The following VWDE variants were observed in gnomAD, a reference collection of about 807,000 sequenced individuals.
VWDE encodes the protein von Willebrand factor D and EGF domains, also known as von Willebrand factor D and EGF domain-containing protein.
VWDE carries 207 observed loss-of-function variants against 178.4 expected under a neutral mutation model. That is an observed-to-expected ratio of 1.16 (90% confidence interval 1.04 to 1.30). The LOEUF (loss-of-function observed/expected upper bound fraction) is 1.30, where lower values mean the gene tolerates loss of function less well. Among genes scored for constraint, VWDE ranks in the 50% most tolerant of loss-of-function variants. The pLI is 0.00. For synonymous variants in VWDE, 738 were observed against 651.4 expected (o/e 1.13, Z -2.02); for missense variants, 2,287 against 1,901.3 (o/e 1.20, Z -3.77).
At position 12,369,996 on chromosome 7, in the gene VWDE, C is replaced by T. The variant is rs756840779; in HGVS notation, c.2310G>A (p.Thr770=). The change falls in exon 12 of 29, where the codon ACG becomes ACA. Residue 770 remains threonine, a synonymous_variant. Coordinates refer to ENST00000275358, the MANE Select transcript of VWDE (RefSeq NM_001135924.3). The stretch of plus-strand genomic sequence containing the variant: ...AAAAATAAGTAAGTTCTTCCAGATC[C>T]GTTTGGCTGAGACTCGGGAAAGCAA... The part of the protein sequence containing the change: ...PLFAFPSLSQ[T]DLEELTYFFP... The T allele has an allele frequency of 4.1e-5, 64 of 1,551,322 alleles. No homozygotes were observed. The highest frequency in any genetic ancestry group is 5.1e-5 in the Non-Finnish European group (58 of 1,146,896).
chr7:12,373,081 A>G lies in VWDE; in HGVS notation c.1483T>C (p.Cys495Arg). Residue 495 changes from cysteine (C) to arginine (R), a missense_variant, in exon 10 of 29, where the codon TGC becomes CGC. Physicochemically the swap from Cys to Arg is radical, Grantham distance 180. Transcript: ENST00000275358. ...TGTGATTCACGTAGCTGACCATTGCACATATCAAAAGTAACTATATCACCT... is the reference window on the plus strand; with the variant it reads ...TGTGATTCACGTAGCTGACCATTGCGCATATCAAAAGTAACTATATCACCT... ...EGGDIVTFDM[C>R]NGQLRESQPY... 6.4e-7 allele frequency: 1 copy of G among 1,551,318 alleles called. No individual in the cohort carries two copies. The highest frequency in any genetic ancestry group is 8.7e-7 in the Non-Finnish European group (1 of 1,146,744).
At chr7:12,380,002 GC>G (rs1412389341) in intron 5 of VWDE, among the ~76,000 whole-genome samples, 1 of 151,812 alleles carries the variant, frequency 6.6e-6, no homozygotes, top group African/African-American at 2.4e-5. Context: ...GGAGGCTGAG[GC>G]AGGAGAATCG....
intron 2 of VWDE, among the ~76,000 whole-genome samples, chr7:12,389,731 A>G (rs1440749231): frequency 1.3e-5 from 2 of 152,236 alleles, no homozygotes; most frequent in African/African-American, 4.8e-5. Flanking sequence ...AGATAAACTG[A>G]TCTTGGAAAA....
At chr7:12,365,639 T>C (rs1782816138) in intron 13 of VWDE, among the ~76,000 whole-genome samples, 1 of 151,788 alleles carries the variant, frequency 6.6e-6, no homozygotes, top group Admixed American at 6.6e-5. Context: ...CCACACAAAG[T>C]GAATGCAAGG....
intron 3 of VWDE, among the ~76,000 whole-genome samples, chr7:12,385,181 G>T (rs1369297923): frequency 6.6e-6 from 1 of 152,016 alleles, no homozygotes; most frequent in Non-Finnish European, 1.5e-5. Flanking sequence ...ACATATATAT[G>T]AATTCTGTGA....
intron 3 of VWDE, among the ~76,000 whole-genome samples, chr7:12,387,846 G>T (rs1420191892): frequency 6.6e-6 from 1 of 151,930 alleles, no homozygotes; most frequent in Non-Finnish European, 1.5e-5. Context: ...CCTATATATG[G>T]TTGAACCCAG....
rs958435187 is a variant in VWDE, at chr7:12,331,041, T to C, written c.*142A>G. 3.2e-5 allele frequency: 20 copies of C among 615,908 alleles called. No homozygotes were observed. The highest frequency in any genetic ancestry group is 2.7e-6 in the Non-Finnish European group (1 of 364,920). The allele number at this position is 615,908 out of a possible 1,614,324, so 38.2% of individuals were successfully genotyped here. ...TTCTCTATGATTACAACAGAGATCA[T>C]TATGTATTTTATTAGTTTCTTCAGT... On this transcript the variant is annotated 3_prime_UTR_variant, in exon 29 of 29. Coordinates refer to ENST00000275358, the MANE Select transcript of VWDE (RefSeq NM_001135924.3).
chr7:12,337,910 G>C (rs1407233808), intron 24 of VWDE, among the ~76,000 whole-genome samples: 3 of 152,030 alleles, frequency 2.0e-5, no homozygotes, highest in Non-Finnish European at 4.4e-5. Context: ...TTATGAGATG[G>C]TTATGATTAC....
At chr7:12,400,726 T>A (rs1176127517) in intron 1 of VWDE, among the ~76,000 whole-genome samples, 3 of 152,102 alleles carry the variant, frequency 2.0e-5, no homozygotes, top group Non-Finnish European at 4.4e-5. Flanking sequence ...CCCATTATCC[T>A]GGCTACCCCG....
chr7:12,357,267 C>G lies in VWDE; in HGVS notation c.3523G>C (p.Glu1175Gln). 1 of 1,551,842 alleles carries G rather than the reference C, an allele frequency of 6.4e-7. No homozygotes were observed. Among genetic ancestry groups the G allele is most frequent in the African/African-American group, 1.4e-5 (1 of 73,122 alleles). ...ACTTATGTAATTATAAAGATTACCT[C>G]AATCGTGACTCTAGTTTCAGCATCG... Reference protein sequence around the residue: ...DCDAETRVTIEVTVKSCDCLN... With the variant: ...DCDAETRVTIQVTVKSCDCLN... Residue 1175 changes from glutamate (E) to glutamine (Q), a missense_variant and splice_region_variant, in exon 17 of 29, where the codon GAG becomes CAG. Transcript: ENST00000275358.
intron 27 of VWDE, among the ~76,000 whole-genome samples, chr7:12,335,478 C>G (rs1398188317): frequency 6.6e-6 from 1 of 151,032 alleles, no homozygotes; most frequent in Non-Finnish European, 1.5e-5. Flanking sequence ...TTTTTTGAGA[C>G]GGAGTCTCGC....
rs11981363 is a variant in VWDE, at chr7:12,400,625, A to G, written c.58+3034T>C. Among the ~76,000 whole-genome samples the G allele has an allele frequency of 7.1e-4, 108 of 152,260 alleles. 1 individual carries two copies. Among genetic ancestry groups the G allele is most frequent in the African/African-American group, 2.4e-3 (99 of 41,580 alleles). On this transcript the variant is annotated intron_variant, in intron 1 of 28. Coordinates refer to ENST00000275358, the MANE Select transcript of VWDE (RefSeq NM_001135924.3). The stretch of plus-strand genomic sequence containing the variant: ...TGCTAAATTCTACCAAACATTTCAA[A>G]AAGAATTACCACCAATTTGTCTCAA...
At chr7:12,387,889 G>A (rs62448591) in intron 3 of VWDE, among the ~76,000 whole-genome samples, 1 of 151,898 alleles carries the variant, frequency 6.6e-6, no homozygotes, top group Non-Finnish European at 1.5e-5. Flanking sequence ...TTCACAAAAA[G>A]GTCGCAAAAA....
chr7:12,396,394 G>A (rs1300660642), intron 1 of VWDE, among the ~76,000 whole-genome samples: 1 of 152,078 alleles, frequency 6.6e-6, no homozygotes, highest in Non-Finnish European at 1.5e-5. Flanking sequence ...TAATAACTGA[G>A]TTTGCAATTA....
At chr7:12,361,071 C>T (rs1348478481) in intron 15 of VWDE, 76 bp downstream of exon 15, 6 of 894,704 alleles carry the variant, frequency 6.7e-6, no homozygotes, top group Non-Finnish European at 9.9e-6. Context: ...GAAAAAACTA[C>T]AATTAATGTG....
chr7:12,388,695 C>T (rs549240805), intron 3 of VWDE: 56 of 276,712 alleles, frequency 2.0e-4, no homozygotes, highest in South Asian at 1.9e-3. Flanking sequence ...TGCTCATCAC[C>T]GTAACTCTGA....
In VWDE at chr7:12,375,065, T is replaced by A. The variant is rs1783445403; in HGVS notation, c.1187A>T (p.Gln396Leu). ...CAGGAAATCCTCATTAACTATTGGT[T>A]GCACTACAATGTTTGAGACTCTATC... is the stretch of plus-strand genomic sequence containing the variant. ...DGDRVSNIVV[Q>L]PIVNEDFLWN... Residue 396 changes from glutamine (Q) to leucine (L), a missense_variant, in exon 8 of 29, where the codon CAA (glutamine) becomes CTA (leucine). Transcript: ENST00000275358. The A allele has an allele frequency of 4.5e-6, 7 of 1,551,338 alleles. No homozygotes were observed. Among genetic ancestry groups the A allele is most frequent in the Non-Finnish European group, 6.1e-6 (7 of 1,146,692 alleles).
chr7:12,403,631 C>T, intron 1 of VWDE, 28 bp downstream of exon 1: 1 of 1,531,222 alleles, frequency 6.5e-7, no homozygotes, highest in South Asian at 1.2e-5. Context: ...CACTGCGCGC[C>T]CACCCCCGCG....
chr7:12,361,576 T>C (rs1583304969), intron 13 of VWDE, 55 bp from the exon 14 acceptor site: 1 of 1,429,208 alleles, frequency 7.0e-7, no homozygotes, highest in Non-Finnish European at 9.3e-7. Flanking sequence ...AAATATTTTG[T>C]TAGTAAATTA....
Sources: gnomAD v4.1 joint callset for allele counts (sites outside exome capture counted in the v4.1 genomes callset) on GRCh38, gnomAD v4.1.1 for gene constraint, MANE v1.5 for transcripts, NCBI Gene and HGNC (gene_info 2026-07-23, HGNC 2026-07-21) for gene names.